LTK: variants seen among roughly 807,000 people sequenced by gnomAD.
LTK encodes leukocyte receptor tyrosine kinase.
Under a neutral mutation model 101.5 loss-of-function variants are expected in LTK, and 117 were observed. That is an observed-to-expected ratio of 1.15 (90% CI 0.99 to 1.34). The LOEUF is 1.34. LTK is among the 40% of genes most tolerant of loss of function. The pLI is 0.00. For synonymous variants in LTK, 563 were observed against 494.2 expected (o/e 1.14, Z -1.85); for missense variants, 1,252 against 1,164.7 (o/e 1.07, Z -1.09).
intron 11 of LTK, 137 bp downstream of exon 11, chr15:41,506,958 T>C (rs2051305356): frequency 6.8e-6 from 5 of 732,614 alleles, no homozygotes; most frequent in Non-Finnish European, 1.1e-5. Flanking sequence ...TTCTGGAGCT[T>C]CTCAGGGCCT....
At position 41,513,644 on chromosome 15, in the gene LTK, C is replaced by T. The variant is rs200188958; in HGVS notation, c.43+23G>A. ...GAAAGTGCCTCAGGCTGGACGGTCCCCTGACCGCCAGATAGCACTTACCCG... is the reference window on the plus strand; with the variant it reads ...GAAAGTGCCTCAGGCTGGACGGTCCTCTGACCGCCAGATAGCACTTACCCG... On this transcript the variant is annotated intron_variant, in intron 1 of 19. Coordinates refer to ENST00000263800, the MANE Select transcript of LTK (RefSeq NM_002344.6). The T allele has an allele frequency of 3.1e-6, 5 of 1,612,096 alleles. No individual in the cohort carries two copies. The East Asian group carries it at 6.7e-5, about 22-fold the overall frequency.
Position 41,511,835 on chromosome 15 carries a change from G to GGCCCCCCCCCCCCCCC in LTK, c.638_639insGGGGGGGGGGGGGGGC (p.Ala214GlyfsTer132). ...CACGTACCCGGAAAACGTAGGTGGC[G>GGCCCCCCCCCCCCCCC]CCCCCGCCACCCCCGCCACCTCCCG... On this transcript the variant is annotated frameshift_variant, in exon 5 of 20. Coordinates refer to ENST00000263800, the MANE Select transcript of LTK (RefSeq NM_002344.6). LOFTEE classifies it high-confidence loss of function. This position sits in a 1 kb window ranked among gnomAD's most constrained non-coding sequence, Gnocchi z 5.9. 6 of 1,477,220 alleles carry GGCCCCCCCCCCCCCCC rather than the reference G, an allele frequency of 4.1e-6. No homozygotes were observed. The highest frequency in any genetic ancestry group is 3.6e-6 in the Non-Finnish European group (4 of 1,122,330). 91.5% of individuals were successfully genotyped at this position (1,477,220 alleles called of 1,614,324 possible).
chr15:41,507,188 G>T lies in LTK; in HGVS notation c.1448C>A (p.Pro483His). 1 of 1,613,804 alleles carries T rather than the reference G, an allele frequency of 6.2e-7. No individual in the cohort carries two copies. Among genetic ancestry groups the T allele is most frequent in the Non-Finnish European group, 8.5e-7 (1 of 1,179,938 alleles). Residue 483 changes from proline to histidine, a missense_variant, in exon 11 of 20, where the codon CCC becomes CAC. By Grantham distance (77) the Pro-to-His change is moderately conservative. Transcript: ENST00000263800. ...RTSAIRTAPN[P>H]YYCQVGLGPA... is the part of the protein sequence containing the mutation. ...GCCAAGCCCCACCTGGCAATAATAG[G>T]GATTGGGGGCTGTCCTGATGGCAGA... is the stretch of plus-strand genomic sequence containing the variant.
At chr15:41,505,144 G>A in intron 15 of LTK, 64 bp downstream of exon 15, 1 of 1,584,962 alleles carries the variant, frequency 6.3e-7, no homozygotes, top group Non-Finnish European at 8.6e-7. Context: ...AAAGCTGTGT[G>A]GAAGGGCTGT....
intron 11 of LTK, among the ~76,000 whole-genome samples, chr15:41,506,858 G>A (rs2051302663): frequency 6.6e-6 from 1 of 152,204 alleles, no homozygotes; most frequent in Admixed American, 6.5e-5. Context: ...CCAAAGTTCT[G>A]GGATTACAGG....
chr15:41,504,822 G>C lies in LTK; in HGVS notation c.2071C>G (p.Pro691Ala). The C allele has an allele frequency of 6.2e-7, 1 of 1,613,376 alleles. No homozygotes were observed. ...DRALLPVKWM[P>A]PEAFLEGIFT... ...ATGCCCTCCAGGAAGGCCTCTGGGG[G>C]CATCCACTTGACTGGGAGCAAGGCC... Residue 691 changes from proline (P) to alanine (A), a missense_variant, in exon 17 of 20, where the codon CCC becomes GCC. Coordinates refer to ENST00000263800, the MANE Select transcript of LTK (RefSeq NM_002344.6).
intron 11 of LTK, among the ~76,000 whole-genome samples, chr15:41,506,362 T>C (rs887913453): frequency 6.6e-6 from 1 of 152,178 alleles, no homozygotes; most frequent in African/African-American, 2.4e-5. Flanking sequence ...TGGAGTGCAA[T>C]AGCGCGATCT....
Position 41,504,086 on chromosome 15 carries a change from A to C in LTK, c.2505T>G (p.Pro835=). Reference sequence around the variant, plus strand: ...GGCCAGAGGACAGCCAGGGGCCAAGAGGGCTACCTCCCCAGCTTTTCAACT... The same window carrying C: ...GGCCAGAGGACAGCCAGGGGCCAAGCGGGCTACCTCCCCAGCTTTTCAACT... ...PEKLKSWGGS[P]LGPWLSSGLK... is the part of the protein sequence containing the mutation. The change falls in exon 20 of 20, where the codon CCT becomes CCG. Residue 835 remains proline, a synonymous_variant. Transcript: ENST00000263800. The C allele has an allele frequency of 6.2e-7, 1 of 1,614,032 alleles. No individual in the cohort carries two copies. The highest frequency in any genetic ancestry group is 8.5e-7 in the Non-Finnish European group (1 of 1,180,012).
At chr15:41,507,710 C>T in intron 9 of LTK, 53 bp from the exon 10 acceptor site, 2 of 1,547,580 alleles carry the variant, frequency 1.3e-6, no homozygotes, top group Non-Finnish European at 1.7e-6. Flanking sequence ...GTTCCTTTAC[C>T]CTCAAGTTTT....
intron 1 of LTK, among the ~76,000 whole-genome samples, chr15:41,513,458 C>T (rs2051560099): frequency 6.6e-6 from 1 of 152,254 alleles, no homozygotes; most frequent in Non-Finnish European, 1.5e-5. Context: ...AATGTTCCTC[C>T]TTCCCAAGCT....
At chr15:41,505,564 G>C (rs771672500) in intron 13 of LTK, 34 bp from the exon 14 acceptor site, 2 of 1,612,882 alleles carry the variant, frequency 1.2e-6, no homozygotes, top group South Asian at 2.2e-5. Flanking sequence ...CCGTTACCAG[G>C]AGGGAGACGG....
In LTK at chr15:41,511,266, C is replaced by T. The variant is rs563988292; in HGVS notation, c.895G>A (p.Gly299Ser). 62 of 1,423,652 alleles carry T rather than the reference C, an allele frequency of 4.4e-5. No individual in the cohort carries two copies. The South Asian group carries it at 8.0e-4, about 18-fold the overall frequency. The allele number at this position is 1,423,652 out of a possible 1,614,324, so 88.2% of individuals were successfully genotyped here. A position where few individuals can be genotyped will look rare whatever the true frequency, so the allele number is the denominator to read the frequency against. The part of the protein sequence containing the change: ...SLQEGAEGGQ[G>S]CSEAWATLGW... ...AGGGTCGCCCAAGCCTCGGAGCAGC[C>T]CTGGCCGCCCTCCGCCCCCTCCTGC... Residue 299 changes from glycine to serine, a missense_variant, in exon 7 of 20, where the codon GGC becomes AGC. Physicochemically the swap from Gly to Ser is moderately conservative, Grantham distance 56. Transcript: ENST00000263800. The surrounding 1 kb of genome is among the most constrained non-coding windows in gnomAD (Gnocchi z 5.9).
Position 41,504,226 on chromosome 15 carries a change from A to G in LTK, c.2365T>C (p.Ser789Pro). ...GGCCCCAGCTCCATTGGCAGGAGTGAATTCAGCACATCCGGGTCCTGTAAT... is the reference window on the plus strand; with the variant it reads ...GGCCCCAGCTCCATTGGCAGGAGTGGATTCAGCACATCCGGGTCCTGTAAT... ...YCTQDPDVLN[S>P]LLPMELGPTP... Residue 789 changes from serine (S) to proline (P), a missense_variant, in exon 20 of 20, where the codon TCA (serine) becomes CCA (proline). Physicochemically the swap from Ser to Pro is moderately conservative, Grantham distance 74. Transcript: ENST00000263800. 6.2e-7 allele frequency: 1 copy of G among 1,609,854 alleles called. No individual in the cohort carries two copies. The highest frequency in any genetic ancestry group is 8.5e-7 in the Non-Finnish European group (1 of 1,177,222).
Position 41,508,140 on chromosome 15 carries a change from G to A in LTK, c.1178C>T (p.Ala393Val), listed in dbSNP as rs570878412. ...CAGGCATTCAGCCAGCTGGAGCTCTGCCTGCCATTGGCAGTCTCTCAAAGG... is the reference window on the plus strand; with the variant it reads ...CAGGCATTCAGCCAGCTGGAGCTCTACCTGCCATTGGCAGTCTCTCAAAGG... ...HCPLRDCQWQ[A>V]ELQLAECLCP... The change falls in exon 9 of 20, where the codon GCA becomes GTA. Residue 393 changes from alanine (A) to valine (V), a missense_variant. By Grantham distance (64) the Ala-to-Val change is moderately conservative. Transcript: ENST00000263800. 5.0e-6 allele frequency: 8 copies of A among 1,613,464 alleles called. No homozygotes were observed. Among genetic ancestry groups the A allele is most frequent in the South Asian group, 3.3e-5 (3 of 91,004 alleles).
chr15:41,513,814 T>A lies in LTK; in HGVS notation c.-105A>T. ...TGCCACGGCAGCCCTGGCCACCACT[T>A]ACAGGGGTGTGCTGCCGCTGGCGAG... On this transcript the variant is annotated 5_prime_UTR_variant, in exon 1 of 20. Coordinates refer to ENST00000263800, the MANE Select transcript of LTK (RefSeq NM_002344.6). 1.0e-6 allele frequency: 1 copy of A among 1,001,802 alleles called. No homozygotes were observed. Among genetic ancestry groups the A allele is most frequent in the East Asian group, 2.5e-5 (1 of 40,198 alleles). 62.1% of individuals were successfully genotyped at this position (1,001,802 alleles called of 1,614,324 possible).
In LTK at chr15:41,512,604, A is replaced by G. The variant is rs1248901709; in HGVS notation, c.359+103T>C. 16 of 1,362,126 alleles carry G rather than the reference A, an allele frequency of 1.2e-5. No homozygotes were observed. In the East Asian group the frequency reaches 4.1e-4, roughly 35 times the overall value. The allele number at this position is 1,362,126 out of a possible 1,614,324, so 84.4% of individuals were successfully genotyped here. A position where few individuals can be genotyped will look rare whatever the true frequency, so the allele number is the denominator to read the frequency against. On this transcript the variant is annotated intron_variant, in intron 3 of 19. Transcript: ENST00000263800. Reference sequence around the variant, plus strand: ...CACTCAAGGTGGACCTCCCCGCGGAATAGTCCAAGACGCAAGTCGGTGCGC... The same window carrying G: ...CACTCAAGGTGGACCTCCCCGCGGAGTAGTCCAAGACGCAAGTCGGTGCGC...
Position 41,504,367 on chromosome 15 carries a change from A to G in LTK, c.2321T>C (p.Leu774Ser). 1 of 1,614,160 alleles carries G rather than the reference A, an allele frequency of 6.2e-7. No homozygotes were observed. The part of the protein sequence containing the change: ...PELRPSFASI[L>S]ERLQYCTQDP... Reference sequence around the variant, plus strand: ...CTGAGTGCAGTACTGCAGACGCTCCAAGATGCTGGCAAAGCTAGGGCGGAG... The same window carrying G: ...CTGAGTGCAGTACTGCAGACGCTCCGAGATGCTGGCAAAGCTAGGGCGGAG... The change falls in exon 19 of 20, where the codon TTG (leucine) becomes TCG (serine). Residue 774 changes from leucine (L) to serine (S), a missense_variant. Physicochemically the swap from Leu to Ser is moderately radical, Grantham distance 145. Coordinates refer to ENST00000263800, the MANE Select transcript of LTK (RefSeq NM_002344.6).
chr15:41,511,691 A>C lies in LTK; in HGVS notation c.658-113T>G. ...GGATAAGGGCAGGGGCCCCCAGCCC[A>C]GCCCAGGCCAGCCCAGCCCAGCGCA... On this transcript the variant is annotated intron_variant, in intron 5 of 19. Coordinates refer to ENST00000263800, the MANE Select transcript of LTK (RefSeq NM_002344.6). The surrounding 1 kb of genome is among the most constrained non-coding windows in gnomAD (Gnocchi z 5.9). 5.0e-6 allele frequency: 7 copies of C among 1,391,400 alleles called. No individual in the cohort carries two copies. The highest frequency in any genetic ancestry group is 6.5e-6 in the Non-Finnish European group (7 of 1,072,502). The allele number at this position is 1,391,400 out of a possible 1,614,324, so 86.2% of individuals were successfully genotyped here. A position where few individuals can be genotyped will look rare whatever the true frequency, so the allele number is the denominator to read the frequency against.
chr15:41,509,140 A>T lies in LTK; in HGVS notation c.998-11T>A. On this transcript the variant is annotated splice_polypyrimidine_tract_variant and intron_variant, in intron 7 of 19. Transcript: ENST00000263800. ...CTGAAGCGTCGCCCCCTGGAAGTGG[A>T]GAGTGATGGAGAGTTTGACTACAAA... The T allele has an allele frequency of 6.6e-7, 1 of 1,525,884 alleles. No individual in the cohort carries two copies. The highest frequency in any genetic ancestry group is 9.1e-7 in the Non-Finnish European group (1 of 1,099,804). The allele number at this position is 1,525,884 out of a possible 1,614,324, so 94.5% of individuals were successfully genotyped here. A position where few individuals can be genotyped will look rare whatever the true frequency, so the allele number is the denominator to read the frequency against.
Sources: allele counts gnomAD v4.1 joint callset (sites outside exome capture counted in the v4.1 genomes callset), GRCh38; gene constraint gnomAD v4.1.1; non-coding constraint Gnocchi (gnomAD v3.1); transcripts MANE v1.5; gene names NCBI Gene and HGNC (gene_info 2026-07-23, HGNC 2026-07-21).